RGS17: variants seen among roughly 807,000 people sequenced by gnomAD.
RGS17 encodes regulator of G protein signaling 17, also known as regulator of G-protein signaling 17.
Under a neutral mutation model 25.5 loss-of-function variants are expected in RGS17, and 12 were observed. The observed-to-expected ratio is 0.47, with a 90% confidence interval of 0.30 to 0.76. The LOEUF (loss-of-function observed/expected upper bound fraction) is 0.76. Ranked by LOEUF, RGS17 falls within the 30% of genes least tolerant of loss-of-function variation. The pLI, the probability that RGS17 is intolerant of heterozygous loss-of-function variation, is 0.07. For missense variants in RGS17, 196 were observed against 242.2 expected (o/e 0.81, Z 1.27); for synonymous variants, 71 against 76.9 (o/e 0.92, Z 0.40).
chr6:153,101,791 ACTCTCT>A (rs112427467), intron 1 of RGS17, among the ~76,000 whole-genome samples: 5 of 150,130 alleles, frequency 3.3e-5, no homozygotes, highest in Non-Finnish European at 7.4e-5. Context: ...TTCCCCCTTC[ACTCTCT>A]CTCTCTCTCT....
At chr6:153,052,647 G>C (rs1444178905) in intron 1 of RGS17, among the ~76,000 whole-genome samples, 1 of 151,956 alleles carries the variant, frequency 6.6e-6, no homozygotes, top group Non-Finnish European at 1.5e-5. Context: ...ATAAGACTTT[G>C]GACTTCAGAC....
Position 153,054,092 on chromosome 6 carries a change from T to TATATATA in RGS17, c.-25-10050_-25-10049insTATATAT, listed in dbSNP as rs1393844507. On this transcript the variant is annotated intron_variant, in intron 1 of 4. Transcript: ENST00000206262. Reference sequence around the variant, plus strand: ...CATATATATATACACACAATATTTTTTATATATATATATATATATATGTGT... The same window carrying TATATATA: ...CATATATATATACACACAATATTTTTATATATATATATATATATATATATATATGTGT... 6.2e-4 allele frequency among the ~76,000 whole-genome samples: 26 copies of TATATATA among 42,090 alleles called. 6 individuals carry two copies. Among genetic ancestry groups the TATATATA allele is most frequent in the African/African-American group, 2.9e-3 (25 of 8,644 alleles). 27.6% of individuals were successfully genotyped at this position (42,090 alleles called of 152,430 possible).
At chr6:153,018,824 G>A (rs1779210819) in intron 4 of RGS17, among the ~76,000 whole-genome samples, 1 of 152,154 alleles carries the variant, frequency 6.6e-6, no homozygotes, top group Non-Finnish European at 1.5e-5. Flanking sequence ...ATGATAATAT[G>A]CGTGCATAAA....
At chr6:153,115,543 T>C (rs1361589831) in intron 1 of RGS17, among the ~76,000 whole-genome samples, 1 of 152,138 alleles carries the variant, frequency 6.6e-6, no homozygotes, top group East Asian at 1.9e-4. Flanking sequence ...CTAGCTGCCA[T>C]TGACTTTCTT....
At chr6:153,083,101 C>T (rs181002136) in intron 1 of RGS17, among the ~76,000 whole-genome samples, 1 of 152,218 alleles carries the variant, frequency 6.6e-6, no homozygotes, top group African/African-American at 2.4e-5. Flanking sequence ...GCCTAGTACT[C>T]CGGAAAGACT....
chr6:153,050,725 G>A (rs1776451402), intron 1 of RGS17, among the ~76,000 whole-genome samples: 1 of 152,234 alleles, frequency 6.6e-6, no homozygotes, highest in South Asian at 2.1e-4. Context: ...TTATACACTG[G>A]AGAAACTCAA....
chr6:153,081,569 C>T (rs994326161), intron 1 of RGS17, among the ~76,000 whole-genome samples: 3 of 151,996 alleles, frequency 2.0e-5, no homozygotes, highest in Non-Finnish European at 4.4e-5. Flanking sequence ...ATTACTTATA[C>T]GGTTGGTTTT....
chr6:153,089,021 G>A (rs920006432), intron 1 of RGS17, among the ~76,000 whole-genome samples: 1 of 152,084 alleles, frequency 6.6e-6, no homozygotes, highest in Non-Finnish European at 1.5e-5. Flanking sequence ...TTGTGACTAT[G>A]TGTTTGCAGA....
intron 1 of RGS17, among the ~76,000 whole-genome samples, chr6:153,110,011 A>C (rs1173115959): frequency 6.6e-6 from 1 of 152,260 alleles, no homozygotes; most frequent in Non-Finnish European, 1.5e-5. Flanking sequence ...TTTTACTTTG[A>C]TATGGAAACA....
intron 2 of RGS17, among the ~76,000 whole-genome samples, chr6:153,030,054 A>G (rs1309917658): frequency 6.6e-6 from 1 of 152,258 alleles, no homozygotes; most frequent in Non-Finnish European, 1.5e-5. Context: ...ATGGAAGAAA[A>G]GTGCCAATAT....
chr6:153,019,190 G>A (rs888341819), intron 4 of RGS17, among the ~76,000 whole-genome samples: 2 of 152,142 alleles, frequency 1.3e-5, no homozygotes, highest in African/African-American at 2.4e-5. Context: ...GCACTAAAGC[G>A]AGCTGCTAAG....
At chr6:153,119,620 G>C (rs1414903683) in intron 1 of RGS17, among the ~76,000 whole-genome samples, 1 of 152,172 alleles carries the variant, frequency 6.6e-6, no homozygotes, top group East Asian at 1.9e-4. Context: ...TTGAACCCGG[G>C]AGGTGGAGGT....
chr6:153,118,741 T>C (rs1777578043), intron 1 of RGS17, among the ~76,000 whole-genome samples: 2 of 88,724 alleles, frequency 2.3e-5, no homozygotes, highest in Non-Finnish European at 4.2e-5. Context: ...AATCACCAAG[T>C]GCTTTTAACA....
intron 2 of RGS17, among the ~76,000 whole-genome samples, chr6:153,040,740 G>A (rs939730339): frequency 6.6e-6 from 1 of 151,522 alleles, no homozygotes; most frequent in Non-Finnish European, 1.5e-5. Flanking sequence ...TTATAAACTT[G>A]AAGTATAAAA....
At chr6:153,101,422 T>C (rs1300903844) in intron 1 of RGS17, among the ~76,000 whole-genome samples, 2 of 152,192 alleles carry the variant, frequency 1.3e-5, no homozygotes, top group African/African-American at 2.4e-5. Flanking sequence ...CAATCCGCCA[T>C]GGAGGCCAAG....
At chr6:153,129,834 G>A (rs1037467103) in intron 1 of RGS17, among the ~76,000 whole-genome samples, 2 of 152,256 alleles carry the variant, frequency 1.3e-5, no homozygotes, top group Admixed American at 1.3e-4. Flanking sequence ...GGTCAGGAGA[G>A]TTATGCCAGG....
intron 1 of RGS17, among the ~76,000 whole-genome samples, chr6:153,065,347 T>C (rs539263453): frequency 6.2e-4 from 94 of 152,286 alleles, no homozygotes; most frequent in African/African-American, 2.2e-3. Flanking sequence ...CCCAGTACAG[T>C]AATGGCTAGA....
chr6:153,096,957 G>C (rs1777222342), intron 1 of RGS17, among the ~76,000 whole-genome samples: 1 of 152,132 alleles, frequency 6.6e-6, no homozygotes, highest in Admixed American at 6.5e-5. Flanking sequence ...GACAATAGGG[G>C]AAGCATCAAG....
At chr6:153,020,752 T>C (rs1318136307) in intron 4 of RGS17, among the ~76,000 whole-genome samples, 5 of 152,214 alleles carry the variant, frequency 3.3e-5, no homozygotes, top group South Asian at 2.1e-4. Context: ...CAAATGTTCA[T>C]GTTCTTTAAA....
Sources: allele counts gnomAD v4.1 joint callset (sites outside exome capture counted in the v4.1 genomes callset), GRCh38; gene constraint gnomAD v4.1.1; transcripts MANE v1.5; gene names NCBI Gene and HGNC (gene_info 2026-07-23, HGNC 2026-07-21).